The following PPFIBP1 variants were observed in gnomAD, a reference collection of about 807,000 sequenced individuals.
PPFIBP1 encodes liprin-beta-1.
In PPFIBP1, 112 loss-of-function variants were observed where a neutral mutation model predicts 137.8. The ratio of observed to expected loss-of-function variants is 0.81; its 90% confidence interval spans 0.70 to 0.95. PPFIBP1 has a LOEUF of 0.95. Among genes scored for constraint, PPFIBP1 ranks in the 40% least tolerant of loss-of-function variants. PPFIBP1 has a pLI of 0.00. For synonymous variants in PPFIBP1, 378 were observed against 417.3 expected (o/e 0.91, Z 1.15); for missense variants, 1,083 against 1,196.6 (o/e 0.91, Z 1.40).
intron 1 of PPFIBP1, among the ~76,000 whole-genome samples, chr12:27,558,262 T>TTG (rs1555192267): frequency 1.3e-5 from 2 of 148,176 alleles, no homozygotes; most frequent in African/African-American, 2.5e-5. Context: ...CTGGGTTTTT[T>TTG]TTTTGTTTTG....
intron 2 of PPFIBP1, among the ~76,000 whole-genome samples, chr12:27,596,110 A>ACACGCG (rs1565839006): frequency 9.2e-5 from 3 of 32,716 alleles, no homozygotes; most frequent in South Asian, 7.0e-4. Flanking sequence ...ACACACACAT[A>ACACGCG]TGCTTACAAA....
At chr12:27,619,873 T>C (rs762292301) in intron 2 of PPFIBP1, among the ~76,000 whole-genome samples, 15 of 151,984 alleles carry the variant, frequency 9.9e-5, no homozygotes, top group African/African-American at 1.4e-4. Context: ...TATAGTAATA[T>C]ACATTTTGTA....
chr12:27,602,214 G>T (rs573106636), intron 2 of PPFIBP1, among the ~76,000 whole-genome samples: 1 of 152,274 alleles, frequency 6.6e-6, no homozygotes, highest in East Asian at 1.9e-4. Flanking sequence ...TTCCTCCAAA[G>T]CATCTAGAAA....
At chr12:27,675,512 CA>C (rs958087072) in intron 17 of PPFIBP1, among the ~76,000 whole-genome samples, 2 of 150,824 alleles carry the variant, frequency 1.3e-5, no homozygotes, top group Non-Finnish European at 3.0e-5. Flanking sequence ...TCTACTTCTG[CA>C]AAAAAAAGAA....
At chr12:27,596,112 G>GCACA (rs2053279087) in intron 2 of PPFIBP1, among the ~76,000 whole-genome samples, 16 of 13,942 alleles carry the variant, frequency 1.1e-3, no homozygotes, top group Admixed American at 3.2e-3. Context: ...ACACACATAT[G>GCACA]CTTACAAATG....
At chr12:27,594,467 C>T (rs1180150146) in intron 2 of PPFIBP1, among the ~76,000 whole-genome samples, 1 of 152,140 alleles carries the variant, frequency 6.6e-6, no homozygotes, top group African/African-American at 2.4e-5. Context: ...AATGAGCCAC[C>T]ACGCCCAGCC....
chr12:27,666,065 T>C (rs1378393604), intron 12 of PPFIBP1, among the ~76,000 whole-genome samples: 1 of 152,082 alleles, frequency 6.6e-6, no homozygotes, highest in Non-Finnish European at 1.5e-5. Flanking sequence ...GCAGAAAAAA[T>C]TAATTCCTGT....
At chr12:27,584,252 G>A (rs945728039) in intron 2 of PPFIBP1, 1 of 152,294 alleles carries the variant, frequency 6.6e-6, no homozygotes, top group African/African-American at 2.4e-5. Context: ...CATTACCTCA[G>A]GAACACCAGG....
chr12:27,620,703 C>T, intron 2 of PPFIBP1, among the ~76,000 whole-genome samples: 1 of 115,468 alleles, frequency 8.7e-6, no homozygotes, highest in East Asian at 2.5e-4. Flanking sequence ...AGTTTGATCA[C>T]CAATAAAGTG....
chr12:27,553,204 C>A (rs1052862550), intron 1 of PPFIBP1, among the ~76,000 whole-genome samples: 2 of 152,112 alleles, frequency 1.3e-5, no homozygotes, highest in African/African-American at 2.4e-5. Flanking sequence ...AAAATAAAGA[C>A]GAACTCAAGC....
chr12:27,592,365 T>G, intron 2 of PPFIBP1: 1 of 570,116 alleles, frequency 1.8e-6, no homozygotes, highest in Non-Finnish European at 3.0e-6. Context: ...ACGTTTATTT[T>G]GTTTATTGAG....
chr12:27,654,919 G>A, intron 8 of PPFIBP1, 105 bp downstream of exon 8: 1 of 1,440,376 alleles, frequency 6.9e-7, no homozygotes. Context: ...TGATAAAGAA[G>A]GTATTTTAAA....
rs2051927400 is a variant in PPFIBP1 at position 27,587,585 on chromosome 12, T to A, written c.-36+9346T>A. Among the ~76,000 whole-genome samples the A allele has an allele frequency of 3.1e-5, 4 of 127,244 alleles. No homozygotes were observed. In the South Asian group the frequency reaches 1.0e-3, roughly 32 times the overall value. The allele number at this position is 127,244 out of a possible 152,430, so 83.5% of individuals were successfully genotyped here. Reference sequence around the variant, plus strand: ...TTGCAGTGAGCCAAGATCGCACCACTGCACCCCAGCCTCGGGGACAGAGCA... The same window carrying A: ...TTGCAGTGAGCCAAGATCGCACCACAGCACCCCAGCCTCGGGGACAGAGCA... On this transcript the variant is annotated intron_variant, in intron 2 of 29. Transcript: ENST00000228425.
intron 1 of PPFIBP1, among the ~76,000 whole-genome samples, chr12:27,560,403 A>G (rs928404874): frequency 6.6e-6 from 1 of 152,200 alleles, no homozygotes; most frequent in African/African-American, 2.4e-5. Flanking sequence ...TGGATTTTGG[A>G]AATTAAATTA....
chr12:27,646,328 G>T, intron 5 of PPFIBP1, 180 bp downstream of exon 5: 1 of 618,036 alleles, frequency 1.6e-6, no homozygotes, highest in Non-Finnish European at 3.0e-6. Context: ...TTTACACCCA[G>T]TTTAAAAGGA....
intron 4 of PPFIBP1, 143 bp downstream of exon 4, chr12:27,635,258 CT>C: frequency 2.6e-6 from 2 of 766,970 alleles, no homozygotes; most frequent in Non-Finnish European, 4.2e-6. Context: ...TCTTAATTTT[CT>C]TTTGACTCTA....
chr12:27,603,976 A>G (rs755475261), intron 2 of PPFIBP1, among the ~76,000 whole-genome samples: 2 of 152,226 alleles, frequency 1.3e-5, no homozygotes, highest in African/African-American at 2.4e-5. Context: ...ACAAGAAAGT[A>G]CAGATCAAAG....
rs306653 is a variant in PPFIBP1 at position 27,530,883 on chromosome 12, G to C, written c.-124+6518G>C. 2.0e-5 allele frequency among the ~76,000 whole-genome samples: 3 copies of C among 152,126 alleles called. No individual in the cohort carries two copies. In the South Asian group the frequency reaches 6.2e-4, roughly 32 times the overall value. ...GCGTGACCAAAGACAAGATGCTTGA[G>C]GGTTAAGGATGAGTGGGTGGAAGGT... On this transcript the variant is annotated intron_variant, in intron 1 of 29. Coordinates refer to ENST00000228425, the MANE Select transcript of PPFIBP1 (RefSeq NM_003622.4).
chr12:27,688,640 T>G (rs1181013111), intron 26 of PPFIBP1, among the ~76,000 whole-genome samples: 4 of 152,212 alleles, frequency 2.6e-5, no homozygotes. Flanking sequence ...CTCTTTCATG[T>G]TGAATAACAT....
Sources: gnomAD v4.1 joint callset for allele counts (sites outside exome capture counted in the v4.1 genomes callset) on GRCh38, gnomAD v4.1.1 for gene constraint, MANE v1.5 for transcripts, NCBI Gene and HGNC (gene_info 2026-07-23, HGNC 2026-07-21) for gene names.